The following IQCB1 variants were observed in gnomAD, a reference collection of about 807,000 sequenced individuals.
The protein encoded by IQCB1 is IQ calmodulin-binding motif-containing protein 1.
In IQCB1, 56 loss-of-function variants were observed where a neutral mutation model predicts 84.4. That is an observed-to-expected ratio of 0.66 (90% confidence interval 0.54 to 0.83). The LOEUF (loss-of-function observed/expected upper bound fraction) is 0.83, where lower values mean the gene tolerates loss of function less well. IQCB1 is among the 40% of genes least tolerant of loss of function. IQCB1 has a pLI of 0.00. For synonymous variants in IQCB1, 210 were observed against 234.8 expected, an observed-to-expected ratio of 0.89 and a Z score of 0.96; for missense variants, 629 against 682.1, an observed-to-expected ratio of 0.92 and a Z score of 0.87.
At chr3:121,775,738 T>TA (rs918749029) in intron 13 of IQCB1, among the ~76,000 whole-genome samples, 1 of 152,180 alleles carries the variant, frequency 6.6e-6, no homozygotes, top group African/African-American at 2.4e-5. Context: ...AACAACCTTT[T>TA]AAAAAATATA....
intron 12 of IQCB1, among the ~76,000 whole-genome samples, chr3:121,786,179 A>AGAAAGAAACGAAAC (rs1948718543): frequency 1.6e-5 from 2 of 127,448 alleles, no homozygotes; most frequent in Non-Finnish European, 3.5e-5. Flanking sequence ...TCAAAAGAAA[A>AGAAAGAAACGAAAC]GAAAAGAAAA....
chr3:121,828,204 A>G (rs1950520808), intron 4 of IQCB1, among the ~76,000 whole-genome samples: 1 of 152,134 alleles, frequency 6.6e-6, no homozygotes, highest in Non-Finnish European at 1.5e-5. Context: ...CTTAATCAAT[A>G]AAAAGTATAT....
intron 5 of IQCB1, among the ~76,000 whole-genome samples, chr3:121,817,824 G>C (rs1453742623): frequency 6.6e-6 from 1 of 151,998 alleles, no homozygotes; most frequent in Non-Finnish European, 1.5e-5. Context: ...GATGGGATTA[G>C]TGCCCTTATA....
At chr3:121,834,179 T>C (rs371136988) in intron 2 of IQCB1, 4 of 152,168 alleles carry the variant, frequency 2.6e-5, no homozygotes, top group African/African-American at 7.2e-5. Context: ...CATAACCACC[T>C]ACCCCAAAAT....
In IQCB1 at chr3:121,783,300, AT is replaced by A. The variant is rs149877888; in HGVS notation, c.1279-1427del. 4.6e-5 allele frequency among the ~76,000 whole-genome samples: 7 copies of A among 150,962 alleles called. No individual in the cohort carries two copies. The South Asian group carries it at 6.3e-4, about 14-fold the overall frequency. On this transcript the variant is annotated intron_variant, in intron 12 of 14. Transcript: ENST00000310864. ...ATTTAGCTCCATCTATTTTTCTGTG[AT>A]TTTTTTTTCAGATATAGGTATCATC...
chr3:121,774,651 A>G (rs1346689090), intron 13 of IQCB1, among the ~76,000 whole-genome samples: 1 of 152,208 alleles, frequency 6.6e-6, no homozygotes, highest in Admixed American at 6.5e-5. Flanking sequence ...TAACTGAAAC[A>G]ATGAAGTATG....
intron 5 of IQCB1, among the ~76,000 whole-genome samples, chr3:121,814,657 T>G (rs1378774242): frequency 6.6e-6 from 1 of 152,140 alleles, no homozygotes; most frequent in East Asian, 1.9e-4. Context: ...CTAGAAAATC[T>G]AGAAGAAATG....
intron 12 of IQCB1, among the ~76,000 whole-genome samples, chr3:121,785,082 A>G (rs1948653252): frequency 2.0e-5 from 3 of 151,752 alleles, no homozygotes; most frequent in Admixed American, 2.0e-4. Flanking sequence ...CTTTTAGCAA[A>G]TTTCCCCAAT....
At chr3:121,773,313 T>TAAAAAGA (rs1948084773) in intron 13 of IQCB1, among the ~76,000 whole-genome samples, 1 of 104,418 alleles carries the variant, frequency 9.6e-6, no homozygotes. Flanking sequence ...GACTCTGCCT[T>TAAAAAGA]AAAAAAAAAA....
intron 3 of IQCB1, 29 bp downstream of exon 3, chr3:121,828,832 G>T: frequency 7.6e-7 from 1 of 1,316,202 alleles, no homozygotes; most frequent in Non-Finnish European, 1.1e-6. Context: ...CACTTAAAAT[G>T]CTATCTAATC....
Position 121,772,097 on chromosome 3 carries a change from C to T in IQCB1, c.1567+460G>A, listed in dbSNP as rs531986173. Among the ~76,000 whole-genome samples, 18 of 152,176 alleles carry T rather than the reference C, an allele frequency of 1.2e-4. No individual in the cohort carries two copies. In the South Asian group the frequency reaches 2.7e-3, roughly 23 times the overall value. On this transcript the variant is annotated intron_variant, in intron 14 of 14. Coordinates refer to ENST00000310864, the MANE Select transcript of IQCB1 (RefSeq NM_001023570.4). ...GGCTGAGGCAGGAGAATCGCTTGAA[C>T]GTGGGAGGCGGAGGTTGCAGTGAGC...
chr3:121,796,006 T>TAA (rs1949180008), intron 9 of IQCB1, among the ~76,000 whole-genome samples: 1 of 151,922 alleles, frequency 6.6e-6, no homozygotes, highest in Non-Finnish European at 1.5e-5. Flanking sequence ...CCATTGGGCT[T>TAA]AAAAGGTCAG....
chr3:121,787,137 G>C (rs1948768611), intron 12 of IQCB1, among the ~76,000 whole-genome samples: 1 of 151,962 alleles, frequency 6.6e-6, no homozygotes, highest in African/African-American at 2.4e-5. Flanking sequence ...GTAGGAGACA[G>C]GCATCTCTTC....
At chr3:121,812,279 C>T (rs1410213993) in intron 5 of IQCB1, among the ~76,000 whole-genome samples, 4 of 152,128 alleles carry the variant, frequency 2.6e-5, no homozygotes, top group African/African-American at 7.2e-5. Flanking sequence ...TCATCAGCAT[C>T]GAAGATCAAA....
In IQCB1 at chr3:121,774,159, C is replaced by T. The variant is rs201165633; in HGVS notation, c.1411-1446G>A. Among the ~76,000 whole-genome samples the T allele has an allele frequency of 9.2e-5, 14 of 151,928 alleles. No homozygotes were observed. The East Asian group carries it at 1.7e-3, about 19-fold the overall frequency. ...CATTTCTGCAAAAAAGATAAAGAAA[C>T]GGCCAATAAACACATGAAAAGATGC... On this transcript the variant is annotated intron_variant, in intron 13 of 14. Coordinates refer to ENST00000310864, the MANE Select transcript of IQCB1 (RefSeq NM_001023570.4).
At chr3:121,787,053 G>A (rs182081286) in intron 12 of IQCB1, among the ~76,000 whole-genome samples, 11 of 152,294 alleles carry the variant, frequency 7.2e-5, no homozygotes, top group East Asian at 3.9e-4. Context: ...TCAGGAGTAC[G>A]TGTGATACAG....
intron 11 of IQCB1, 135 bp downstream of exon 11, chr3:121,789,938 A>G (rs897213324): frequency 2.0e-5 from 15 of 753,868 alleles, no homozygotes; most frequent in Non-Finnish European, 3.2e-5. Context: ...AAGATCTAAT[A>G]AAGTTTATCT....
intron 13 of IQCB1, among the ~76,000 whole-genome samples, chr3:121,774,178 A>G (rs1948126313): frequency 6.6e-6 from 1 of 152,194 alleles, no homozygotes; most frequent in Admixed American, 6.5e-5. Context: ...AACACATGAA[A>G]AGATGCTCAA....
chr3:121,822,575 A>G (rs1950314164), intron 5 of IQCB1, among the ~76,000 whole-genome samples: 1 of 152,212 alleles, frequency 6.6e-6, no homozygotes, highest in Admixed American at 6.5e-5. Flanking sequence ...AAAGGCTGAA[A>G]GAAATTACCA....
Sources: gnomAD v4.1 joint callset for allele counts (sites outside exome capture counted in the v4.1 genomes callset) on GRCh38, gnomAD v4.1.1 for gene constraint, MANE v1.5 for transcripts, NCBI Gene and HGNC (gene_info 2026-07-23, HGNC 2026-07-21) for gene names.